LMNTD1: variants seen among roughly 807,000 people sequenced by gnomAD.
The protein encoded by LMNTD1 is lamin tail domain containing 1, also known as lamin tail domain-containing protein 1.
Under a neutral mutation model 50.9 loss-of-function variants are expected in LMNTD1, and 35 were observed. That is an observed-to-expected ratio of 0.69 (90% CI 0.53 to 0.91). The LOEUF is 0.91. Among genes scored for constraint, LMNTD1 ranks in the 40% least tolerant of loss-of-function variants. LMNTD1 has a pLI of 0.00. For synonymous variants in LMNTD1, 153 were observed against 161.9 expected, an observed-to-expected ratio of 0.94 and a Z score of 0.42; for missense variants, 470 against 475.5, an observed-to-expected ratio of 0.99 and a Z score of 0.11.
At chr12:25,515,966 G>A (rs1334213579) in intron 8 of LMNTD1, among the ~76,000 whole-genome samples, 2 of 151,968 alleles carry the variant, frequency 1.3e-5, no homozygotes, top group African/African-American at 4.8e-5. Flanking sequence ...CAGCTATTGT[G>A]TGTGCTAATG....
chr12:25,619,252 C>CTCTATATATA (rs1374134268), intron 1 of LMNTD1, among the ~76,000 whole-genome samples: 25 of 84,428 alleles, frequency 3.0e-4, no homozygotes, highest in South Asian at 2.0e-3. Context: ...CTCTCTCTCT[C>CTCTATATATA]TATATATATA....
intron 4 of LMNTD1, among the ~76,000 whole-genome samples, chr12:25,534,135 C>A (rs998716735): frequency 3.9e-5 from 6 of 152,206 alleles, no homozygotes; most frequent in Admixed American, 2.0e-4. Flanking sequence ...TTCCTGTTTG[C>A]CTACAACTCC....
intron 1 of LMNTD1, among the ~76,000 whole-genome samples, chr12:25,619,474 A>C (rs1444896836): frequency 1.3e-5 from 2 of 152,164 alleles, no homozygotes; most frequent in Admixed American, 6.5e-5. Flanking sequence ...TCAATTTCTA[A>C]GTTTGCCTTT....
At chr12:25,532,993 A>G (rs1942328080) in intron 4 of LMNTD1, among the ~76,000 whole-genome samples, 1 of 152,210 alleles carries the variant, frequency 6.6e-6, no homozygotes, top group Non-Finnish European at 1.5e-5. Flanking sequence ...GTTATTATAC[A>G]TATAACTGGA....
chr12:25,596,237 A>T (rs1025499815), intron 1 of LMNTD1, among the ~76,000 whole-genome samples: 1 of 152,124 alleles, frequency 6.6e-6, no homozygotes, highest in Non-Finnish European at 1.5e-5. Flanking sequence ...AAGCAGTATC[A>T]CCCTAATAAC....
chr12:25,607,717 G>C (rs1946146146), intron 1 of LMNTD1, among the ~76,000 whole-genome samples: 1 of 152,188 alleles, frequency 6.6e-6, no homozygotes, highest in Non-Finnish European at 1.5e-5. Context: ...TGTGATTTCT[G>C]TTCTTTTACA....
chr12:25,647,994 A>G (rs1470066045), intron 1 of LMNTD1, among the ~76,000 whole-genome samples: 2 of 151,964 alleles, frequency 1.3e-5, no homozygotes, highest in Admixed American at 1.3e-4. Flanking sequence ...ATATTACTAT[A>G]TTACTATTAT....
chr12:25,489,736 A>G (rs1474851120), intron 9 of LMNTD1, among the ~76,000 whole-genome samples: 2 of 152,202 alleles, frequency 1.3e-5, no homozygotes, highest in Non-Finnish European at 2.9e-5. Flanking sequence ...ATTACAAAAG[A>G]AAACCTGGTG....
intron 1 of LMNTD1, among the ~76,000 whole-genome samples, chr12:25,572,492 G>C (rs113853450): frequency 2.6e-4 from 40 of 152,218 alleles, no homozygotes; most frequent in African/African-American, 9.6e-4. Context: ...CATTTTCATA[G>C]TGTCACTAGT....
intron 1 of LMNTD1, among the ~76,000 whole-genome samples, chr12:25,625,526 C>A (rs145887477): frequency 6.6e-6 from 1 of 152,210 alleles, no homozygotes; most frequent in Non-Finnish European, 1.5e-5. Context: ...GGTCCTACAC[C>A]TCACAGCTGG....
rs77705223 is a variant in LMNTD1, at chr12:25,621,331, C to T, written c.58+27163G>A. On this transcript the variant is annotated intron_variant, in intron 1 of 7. Transcript: ENST00000445693. ...CCATGAACCCCTGGGATCAAGCAATCCTTACACCTTAGACTTCCAAAGTGC... is the reference window on the plus strand; with the variant it reads ...CCATGAACCCCTGGGATCAAGCAATTCTTACACCTTAGACTTCCAAAGTGC... Among the ~76,000 whole-genome samples the T allele has an allele frequency of 5.2e-3, 797 of 152,228 alleles. 7 individuals are homozygous for T. Among genetic ancestry groups the T allele is most frequent in the African/African-American group, 0.018 (766 of 41,540 alleles).
chr12:25,575,594 T>C (rs141475877), intron 1 of LMNTD1, among the ~76,000 whole-genome samples: 6 of 152,216 alleles, frequency 3.9e-5, no homozygotes, highest in African/African-American at 1.2e-4. Flanking sequence ...GGGGAAGATA[T>C]AAAATAAAAA....
chr12:25,564,200 C>T (rs1257085684), intron 1 of LMNTD1, among the ~76,000 whole-genome samples: 1 of 152,174 alleles, frequency 6.6e-6, no homozygotes, highest in African/African-American at 2.4e-5. Flanking sequence ...GCAGAAATCA[C>T]CCATCTTCTG....
chr12:25,502,230 C>T (rs964687753), intron 9 of LMNTD1, among the ~76,000 whole-genome samples: 5 of 152,082 alleles, frequency 3.3e-5, no homozygotes, highest in African/African-American at 9.7e-5. Context: ...AAAAAATTCC[C>T]CCCCTTTTTT....
At chr12:25,526,506 A>G (rs1443135878) in intron 5 of LMNTD1, among the ~76,000 whole-genome samples, 1 of 152,210 alleles carries the variant, frequency 6.6e-6, no homozygotes, top group Non-Finnish European at 1.5e-5. Flanking sequence ...CAGGAAATTA[A>G]GAATTTCATT....
chr12:25,553,273 T>C lies in LMNTD1; in HGVS notation c.-235A>G. 6.9e-7 allele frequency: 1 copy of C among 1,445,108 alleles called. No individual in the cohort carries two copies. The highest frequency in any genetic ancestry group is 9.1e-7 in the Non-Finnish European group (1 of 1,102,718). The allele number at this position is 1,445,108 out of a possible 1,614,324, so 89.5% of individuals were successfully genotyped here. ...AGGGCAGTAACTTGGCAAAGAGACCTTTATGACTACAGTTGTTGCTTCTGG... is the reference window on the plus strand; with the variant it reads ...AGGGCAGTAACTTGGCAAAGAGACCCTTATGACTACAGTTGTTGCTTCTGG... On this transcript the variant is annotated 5_prime_UTR_variant, in exon 1 of 10. Transcript: ENST00000458174.
intron 1 of LMNTD1, chr12:25,648,369 T>G (rs913127620): frequency 8.4e-6 from 6 of 715,856 alleles, no homozygotes; most frequent in Non-Finnish European, 1.2e-5. Context: ...AAAAAAATTG[T>G]TCTTATATCT....
chr12:25,508,658 C>G (rs1296796443), intron 8 of LMNTD1, among the ~76,000 whole-genome samples: 1 of 152,036 alleles, frequency 6.6e-6, no homozygotes, highest in African/African-American at 2.4e-5. Flanking sequence ...AATGAAATTG[C>G]TGGTTTATGG....
chr12:25,554,631 G>A (rs1177378416), upstream of LMNTD1, among the ~76,000 whole-genome samples: 1 of 152,138 alleles, frequency 6.6e-6, no homozygotes, highest in Non-Finnish European at 1.5e-5. Flanking sequence ...TTAAAGATTC[G>A]GGTCGGGTAT....
Sources: allele counts gnomAD v4.1 joint callset (sites outside exome capture counted in the v4.1 genomes callset), GRCh38; gene constraint gnomAD v4.1.1; transcripts MANE v1.5; gene names NCBI Gene and HGNC (gene_info 2026-07-23, HGNC 2026-07-21).